Variants in FSTL1 observed in about 807,000 individuals in gnomAD.
FSTL1 encodes follistatin-related protein 1.
FSTL1 carries 24 observed loss-of-function variants against 45.9 expected under a neutral mutation model. The observed-to-expected ratio is 0.52, with a 90% CI of 0.38 to 0.74. FSTL1 has a LOEUF of 0.74. FSTL1 is among the 30% of genes least tolerant of loss of function. The probability of loss-of-function intolerance (pLI) is 0.00; values close to 1 mark genes in which losing one functional copy is unlikely to be tolerated. For missense variants in FSTL1, 340 were observed against 381.8 expected, an observed-to-expected ratio of 0.89 and a Z score of 0.91; for synonymous variants, 120 against 137.6, an observed-to-expected ratio of 0.87 and a Z score of 0.89.
At chr3:120,412,073 A>G (rs984382445) in intron 3 of FSTL1, 90 bp from the exon 4 acceptor site, 1 of 1,127,742 alleles carries the variant, frequency 8.9e-7, no homozygotes, top group African/African-American at 1.5e-5. Flanking sequence ...ACACACACAG[A>G]GCCATTTTGT....
At chr3:120,410,407 C>A in intron 5 of FSTL1, 1 of 195,560 alleles carries the variant, frequency 5.1e-6, no homozygotes, top group Non-Finnish European at 1.1e-5. Flanking sequence ...ATATAGAAAA[C>A]TCACTTAGCC....
At position 120,435,737 on chromosome 3, in the gene FSTL1, G is replaced by T. The variant is rs113162915; in HGVS notation, c.63+14947C>A. ...GGAAGTCTTTACATTCCAGGCCACT[G>T]TAACATGAGTAATTTCAGTCACTAC... On this transcript the variant is annotated intron_variant, in intron 2 of 10. Transcript: ENST00000295633. Among the ~76,000 whole-genome samples the T allele has an allele frequency of 1.9e-3, 282 of 152,266 alleles. 1 individual carries two copies. Among genetic ancestry groups the T allele is most frequent in the African/African-American group, 6.7e-3 (279 of 41,540 alleles).
chr3:120,442,637 G>A (rs1383980372), intron 2 of FSTL1, among the ~76,000 whole-genome samples: 5 of 151,828 alleles, frequency 3.3e-5, no homozygotes, highest in Non-Finnish European at 7.4e-5. Context: ...AAAATTAGCC[G>A]GGTGTGGTGG....
At chr3:120,439,216 G>A (rs1033993103) in intron 2 of FSTL1, among the ~76,000 whole-genome samples, 2 of 152,176 alleles carry the variant, frequency 1.3e-5, no homozygotes, top group African/African-American at 2.4e-5. Flanking sequence ...GCTCCAGGCT[G>A]GGGGTTTACT....
At chr3:120,434,427 AG>A (rs1303775104) in intron 2 of FSTL1, among the ~76,000 whole-genome samples, 2 of 152,154 alleles carry the variant, frequency 1.3e-5, no homozygotes, top group Admixed American at 1.3e-4. Context: ...GAGGAAACTT[AG>A]TTTATGAGGT....
At chr3:120,404,785 G>T (rs1181718050) in intron 7 of FSTL1, 68 bp downstream of exon 7, 1 of 856,058 alleles carries the variant, frequency 1.2e-6, no homozygotes, top group Non-Finnish European at 2.0e-6. Context: ...GGTGGGAAAG[G>T]GTTTAAGTCC....
chr3:120,429,437 A>T (rs994854287), intron 2 of FSTL1, among the ~76,000 whole-genome samples: 1 of 152,220 alleles, frequency 6.6e-6, no homozygotes, highest in African/African-American at 2.4e-5. Context: ...AAACAGACAC[A>T]CTTGGACAAC....
At chr3:120,422,398 A>G (rs2107661455) in intron 2 of FSTL1, among the ~76,000 whole-genome samples, 1 of 152,370 alleles carries the variant, frequency 6.6e-6, no homozygotes, top group African/African-American at 2.4e-5. Flanking sequence ...AATTAGCTTG[A>G]TTATGGTGAA....
chr3:120,420,071 CT>C (rs1260345935), intron 2 of FSTL1, among the ~76,000 whole-genome samples: 1 of 152,212 alleles, frequency 6.6e-6, no homozygotes, highest in Non-Finnish European at 1.5e-5. Flanking sequence ...AAGGTTCCCT[CT>C]TGGGGTACAA....
At chr3:120,406,617 C>T (rs1036772489) in intron 6 of FSTL1, among the ~76,000 whole-genome samples, 1 of 152,208 alleles carries the variant, frequency 6.6e-6, no homozygotes, top group Non-Finnish European at 1.5e-5. Context: ...TTGGGCCTCC[C>T]CAGGCCAGAG....
At chr3:120,436,159 A>G (rs1480430428) in intron 2 of FSTL1, among the ~76,000 whole-genome samples, 3 of 152,128 alleles carry the variant, frequency 2.0e-5, no homozygotes, top group Non-Finnish European at 4.4e-5. Flanking sequence ...CTTTGTAGAA[A>G]ATGAAAAAAC....
chr3:120,411,773 T>C (rs890198937), intron 4 of FSTL1, 81 bp downstream of exon 4: 2 of 1,260,772 alleles, frequency 1.6e-6, no homozygotes, highest in South Asian at 1.3e-5. Flanking sequence ...GGAAAGACCA[T>C]GTGGTCAGCC....
chr3:120,401,929 C>G (rs1049618502), intron 9 of FSTL1, among the ~76,000 whole-genome samples: 7 of 152,164 alleles, frequency 4.6e-5, no homozygotes, highest in African/African-American at 1.7e-4. Flanking sequence ...TCCAAATGAC[C>G]TTAAGGCAAT....
chr3:120,437,567 T>C (rs1163911493), intron 2 of FSTL1, among the ~76,000 whole-genome samples: 1 of 152,166 alleles, frequency 6.6e-6, no homozygotes, highest in African/African-American at 2.4e-5. Context: ...TCAGTGTCTA[T>C]TTGTGTGTGT....
Position 120,396,575 on chromosome 3 carries a change from G to A in FSTL1, c.*377C>T, listed in dbSNP as rs1020349318. 4 of 184,688 alleles carry A rather than the reference G, an allele frequency of 2.2e-5. No homozygotes were observed. The highest frequency in any genetic ancestry group is 7.1e-5 in the African/African-American group (3 of 42,236). 11.4% of individuals were successfully genotyped at this position (184,688 alleles called of 1,614,324 possible). ...GTGGAGCTTCCCAAACCTCTCCTCCGGGGACACCCTGCTAAGTTCTCTCTG... is the reference window on the plus strand; with the variant it reads ...GTGGAGCTTCCCAAACCTCTCCTCCAGGGACACCCTGCTAAGTTCTCTCTG... On this transcript the variant is annotated 3_prime_UTR_variant, in exon 11 of 11. Transcript: ENST00000295633.
chr3:120,436,807 G>C (rs903561040), intron 2 of FSTL1, among the ~76,000 whole-genome samples: 1 of 152,174 alleles, frequency 6.6e-6, no homozygotes, highest in South Asian at 2.1e-4. Context: ...ATAGCACATA[G>C]TGCAAAACCA....
chr3:120,404,715 C>G, intron 7 of FSTL1, 138 bp downstream of exon 7: 1 of 678,366 alleles, frequency 1.5e-6, no homozygotes, highest in Admixed American at 2.1e-5. Context: ...TAGAATAGAA[C>G]AGGACAGAAT....
chr3:120,410,339 G>T, intron 5 of FSTL1: 1 of 181,922 alleles, frequency 5.5e-6, no homozygotes, highest in Non-Finnish European at 1.2e-5. Flanking sequence ...AAGGGCACTG[G>T]GCCAGGGGAA....
At chr3:120,435,276 G>T (rs756127378) in intron 2 of FSTL1, among the ~76,000 whole-genome samples, 24 of 152,166 alleles carry the variant, frequency 1.6e-4, no homozygotes, top group Admixed American at 4.6e-4. Context: ...ATATACATCT[G>T]CAGTGTTCAC....
Sources: allele counts gnomAD v4.1 joint callset (sites outside exome capture counted in the v4.1 genomes callset), GRCh38; gene constraint gnomAD v4.1.1; transcripts MANE v1.5; gene names NCBI Gene and HGNC (gene_info 2026-07-23, HGNC 2026-07-21).